The following ZNF496 variants were observed in gnomAD, a reference collection of about 807,000 sequenced individuals.
ZNF496 encodes NSD1 (nuclear receptor binding SET-domain containing 1)-interacting zinc finger protein 1.
A neutral mutation model predicts 58.9 loss-of-function variants in ZNF496; 11 were observed. The ratio of observed to expected loss-of-function variants is 0.19; its 90% CI spans 0.12 to 0.31. The LOEUF is 0.31. ZNF496 is among the 10% of genes least tolerant of loss of function. The probability of loss-of-function intolerance (pLI) is 1.00; values close to 1 mark genes in which losing one functional copy is unlikely to be tolerated. For synonymous variants in ZNF496, 338 were observed against 318.2 expected, an observed-to-expected ratio of 1.06 and a Z score of -0.66; for missense variants, 660 against 783.0, an observed-to-expected ratio of 0.84 and a Z score of 1.88.
chr1:247,301,799 G>A (rs116358636), intron 9 of ZNF496, among the ~76,000 whole-genome samples: 3,183 of 152,260 alleles, frequency 0.021, 108 homozygotes, highest in African/African-American at 0.071. Context: ...GACGCAACCC[G>A]ATGACCTATT....
rs1660261937 is a variant in ZNF496, at chr1:247,329,867, C to G, written c.-38+99G>C. On this transcript the variant is annotated intron_variant, in intron 3 of 9. Coordinates refer to ENST00000682384, the MANE Select transcript of ZNF496 (RefSeq NM_032752.3). This position sits in a 1 kb window ranked among gnomAD's most constrained non-coding sequence, Gnocchi z 5.5. The stretch of plus-strand genomic sequence containing the variant: ...TGACTGGATGAACAAGACAGGAAAT[C>G]TGGGAGAAAGTGGTGGCATTTCAAC... The G allele has an allele frequency of 2.8e-6, 1 of 360,948 alleles. No individual in the cohort carries two copies. The allele number at this position is 360,948 out of a possible 1,614,324, so 22.4% of individuals were successfully genotyped here.
intron 6 of ZNF496, chr1:247,312,181 A>AAGCTGC (rs1455624064): frequency 6.6e-6 from 1 of 152,172 alleles, no homozygotes; most frequent in East Asian, 1.9e-4. Flanking sequence ...CACATTTCAC[A>AAGCTGC]AGCTGCACCT....
chr1:247,327,847 A>C (rs111712159), intron 5 of ZNF496, among the ~76,000 whole-genome samples: 93 of 149,026 alleles, frequency 6.2e-4, no homozygotes, highest in African/African-American at 2.0e-3. Flanking sequence ...TCCACTGTAC[A>C]TATAAAGCAC....
intron 6 of ZNF496, among the ~76,000 whole-genome samples, chr1:247,319,670 C>T (rs548110389): frequency 2.6e-5 from 4 of 152,278 alleles, no homozygotes; most frequent in African/African-American, 9.6e-5. Context: ...CACCGGTAAT[C>T]CCAGCACTTT....
At position 247,301,009 on chromosome 1, in the gene ZNF496, A is replaced by C; in HGVS notation, c.1274T>G (p.Leu425Arg). 6.2e-7 allele frequency: 1 copy of C among 1,613,736 alleles called. No homozygotes were observed. Among genetic ancestry groups the C allele is most frequent in the Non-Finnish European group, 8.5e-7 (1 of 1,180,028 alleles). The change falls in exon 10 of 10, where the codon CTG becomes CGG. Residue 425 changes from leucine to arginine, a missense_variant. Coordinates refer to ENST00000682384, the MANE Select transcript of ZNF496 (RefSeq NM_032752.3). ...CTTCTCCTGCTCCCTGCGGCTCCGC[A>C]GATGCCGGATGAAGTTGACCCTCCA... ...FRWRVNFIRH[L>R]RSRREQEKPH...
chr1:247,322,789 T>C, intron 6 of ZNF496: 5 of 1,299,736 alleles, frequency 3.8e-6, no homozygotes, highest in Middle Eastern at 2.1e-4. Context: ...GCGATGATTA[T>C]TAAATTGAAA....
chr1:247,302,353 G>C (rs1329702191), intron 9 of ZNF496, among the ~76,000 whole-genome samples: 1 of 152,086 alleles, frequency 6.6e-6, no homozygotes, highest in East Asian at 1.9e-4. Flanking sequence ...GAAGCGGAGG[G>C]GGCATTTGTC....
At position 247,301,098 on chromosome 1, in the gene ZNF496, G is replaced by C. The variant is rs202183052; in HGVS notation, c.1185C>G (p.Ala395=). 1 of 1,613,794 alleles carries C rather than the reference G, an allele frequency of 6.2e-7. No individual in the cohort carries two copies. The highest frequency in any genetic ancestry group is 8.5e-7 in the Non-Finnish European group (1 of 1,180,036). Residue 395 remains alanine, a synonymous_variant, in exon 10 of 10, where the codon GCC becomes GCG. Coordinates refer to ENST00000682384, the MANE Select transcript of ZNF496 (RefSeq NM_032752.3). ...TCTTGGAGGTCTGCACCTCGCCTCCGGCCTCGGTGCTGCTCCGGTGGGAGG... is the reference window on the plus strand; with the variant it reads ...TCTTGGAGGTCTGCACCTCGCCTCCCGCCTCGGTGCTGCTCCGGTGGGAGG... ...LPASHRSSTE[A]GGEVQTSKKS...
intron 6 of ZNF496, among the ~76,000 whole-genome samples, chr1:247,318,342 T>A (rs766799694): frequency 2.4e-4 from 37 of 152,016 alleles, no homozygotes; most frequent in Non-Finnish European, 4.6e-4. Flanking sequence ...GCTTAAGAAT[T>A]CCCAAGCTTG....
At position 247,309,196 on chromosome 1, in the gene ZNF496, G is replaced by C. The variant is rs1040263109; in HGVS notation, c.892+503C>G. The C allele has an allele frequency of 2.8e-5, 5 of 177,650 alleles. No homozygotes were observed. The highest frequency in any genetic ancestry group is 1.2e-4 in the African/African-American group (5 of 41,856). 11.0% of individuals were successfully genotyped at this position (177,650 alleles called of 1,614,324 possible). On this transcript the variant is annotated intron_variant, in intron 8 of 9. Transcript: ENST00000682384. The surrounding 1 kb of genome is among the most constrained non-coding windows in gnomAD (Gnocchi z 4.3). ...GGAGATCATGGGTGCAAGTGCTGGC[G>C]ACACAGCCTGAAGGAGGGCTGGAAA...
In ZNF496 at chr1:247,299,535, G is replaced by C. The variant is rs920415907; in HGVS notation, c.*984C>G. ...GTGTTTGGACACACCAGCACTCCAA[G>C]CTAATGTATCTATCAAGTGTGTTGT... is the stretch of plus-strand genomic sequence containing the variant. On this transcript the variant is annotated 3_prime_UTR_variant, in exon 10 of 10. Transcript: ENST00000682384. 1 of 152,270 alleles carries C rather than the reference G, an allele frequency of 6.6e-6. No individual in the cohort carries two copies. Among genetic ancestry groups the C allele is most frequent in the African/African-American group, 2.4e-5 (1 of 41,460 alleles). 9.4% of individuals were successfully genotyped at this position (152,270 alleles called of 1,614,324 possible). A position where few individuals can be genotyped will look rare whatever the true frequency, so the allele number is the denominator to read the frequency against.
At chr1:247,322,183 C>G in intron 6 of ZNF496, among the ~76,000 whole-genome samples, 1 of 152,136 alleles carries the variant, frequency 6.6e-6, no homozygotes, top group Admixed American at 6.6e-5. Context: ...CTCAGGAGAC[C>G]GAGGTGGGAG....
intron 6 of ZNF496, chr1:247,322,660 C>T (rs1167503460): frequency 3.8e-5 from 47 of 1,250,812 alleles, no homozygotes; most frequent in South Asian, 5.0e-5. Flanking sequence ...CACAAAAACA[C>T]GAACGAGAAC....
chr1:247,303,443 G>A (rs1409257725), intron 9 of ZNF496, among the ~76,000 whole-genome samples: 1 of 152,178 alleles, frequency 6.6e-6, no homozygotes, highest in African/African-American at 2.4e-5. Flanking sequence ...AAAAACTGTC[G>A]AAGTGATTTT....
chr1:247,301,056 C>T lies in ZNF496; in HGVS notation c.1227G>A (p.Pro409=), dbSNP rs776044763. 5 of 1,613,728 alleles carry T rather than the reference C, an allele frequency of 3.1e-6. No homozygotes were observed. The highest frequency in any genetic ancestry group is 3.4e-6 in the Non-Finnish European group (4 of 1,180,044). Residue 409 remains proline, a synonymous_variant, in exon 10 of 10, where the codon CCG becomes CCA. Transcript: ENST00000682384. ...VQTSKKSYVC[P]NCGKIFRWRV... is the part of the protein sequence containing the mutation. ...TCCAGCGGAAGATTTTCCCACAGTTCGGACACACGTAGGACTTCTTGGAGG... is the reference window on the plus strand; with the variant it reads ...TCCAGCGGAAGATTTTCCCACAGTTTGGACACACGTAGGACTTCTTGGAGG...
At chr1:247,307,726 A>G in intron 9 of ZNF496, 1 of 985,430 alleles carries the variant, frequency 1.0e-6, no homozygotes, top group Non-Finnish European at 1.2e-6. Flanking sequence ...CATCACAGGT[A>G]GAAGAGATAA....
At chr1:247,326,697 A>G (rs1313728301) in intron 5 of ZNF496, among the ~76,000 whole-genome samples, 11 of 152,200 alleles carry the variant, frequency 7.2e-5, no homozygotes, top group Admixed American at 6.5e-4. Flanking sequence ...ACCCTTAGGT[A>G]CCTCAGAATG....
chr1:247,330,832 A>G (rs975011372), intron 2 of ZNF496, among the ~76,000 whole-genome samples: 2 of 152,264 alleles, frequency 1.3e-5, no homozygotes, highest in African/African-American at 2.4e-5. Flanking sequence ...CATTTCACAG[A>G]AAGACAAGTG....
intron 6 of ZNF496, among the ~76,000 whole-genome samples, chr1:247,319,284 G>A (rs1048792573): frequency 1.3e-5 from 2 of 152,150 alleles, no homozygotes; most frequent in African/African-American, 4.8e-5. Context: ...CACGGTGCCC[G>A]AACAAAGGAA....
Sources: gnomAD v4.1 joint callset for allele counts (sites outside exome capture counted in the v4.1 genomes callset) on GRCh38, gnomAD v4.1.1 for gene constraint, Gnocchi (gnomAD v3.1) non-coding constraint, MANE v1.5 for transcripts, NCBI Gene and HGNC (gene_info 2026-07-23, HGNC 2026-07-21) for gene names.